The following GRM7 variants were observed in gnomAD, a reference collection of about 807,000 sequenced individuals.
The protein encoded by GRM7 is glutamate metabotropic receptor 7, also known as metabotropic glutamate receptor 7.
Under a neutral mutation model 84.5 loss-of-function variants are expected in GRM7, and 35 were observed. The observed-to-expected ratio is 0.41, with a 90% confidence interval of 0.32 to 0.55. The LOEUF is 0.55. Among genes scored for constraint, GRM7 ranks in the 20% least tolerant of loss-of-function variants. GRM7 has a pLI of 0.19. For missense variants in GRM7, 1,003 were observed against 1,194.6 expected (o/e 0.84, Z 2.36); for synonymous variants, 487 against 455.1 (o/e 1.07, Z -0.89).
rs1436656052 is a variant in GRM7 at position 7,740,394 on chromosome 3, C to A, written c.2736C>A (p.Asn912Lys). The part of the protein sequence containing the change: ...AAKKKYVSYN[N>K]LVI ...AAAAGAAGTATGTCAGTTATAATAACCTGGTTATCTAACCTGTTCCATTCC... is the reference window on the plus strand; with the variant it reads ...AAAAGAAGTATGTCAGTTATAATAAACTGGTTATCTAACCTGTTCCATTCC... The change falls in exon 10 of 10, where the codon AAC becomes AAA. Residue 912 changes from asparagine (N) to lysine (K), a missense_variant. Physicochemically the swap from Asn to Lys is moderately conservative, Grantham distance 94 (BLOSUM62 0). Transcript: ENST00000357716. The A allele has an allele frequency of 1.3e-6, 2 of 1,577,140 alleles. No individual in the cohort carries two copies. The highest frequency in any genetic ancestry group is 1.7e-6 in the Non-Finnish European group (2 of 1,152,556).
intron 4 of GRM7, among the ~76,000 whole-genome samples, chr3:7,413,943 C>A (rs1696052491): frequency 6.6e-6 from 1 of 152,132 alleles, no homozygotes; most frequent in Admixed American, 6.6e-5. Context: ...ATGTGAAACT[C>A]ACTGCCCTAT....
intron 8 of GRM7, among the ~76,000 whole-genome samples, chr3:7,611,602 C>G (rs1489297067): frequency 6.6e-6 from 1 of 152,116 alleles, no homozygotes; most frequent in African/African-American, 2.4e-5. Flanking sequence ...GGTCAAGCTT[C>G]CCAAGAACTG....
chr3:7,422,088 T>G (rs2124829567), intron 5 of GRM7, among the ~76,000 whole-genome samples: 1 of 152,054 alleles, frequency 6.6e-6, no homozygotes, highest in South Asian at 2.1e-4. Flanking sequence ...GAGTGAGACC[T>G]TGCCTCAAAC....
chr3:7,644,242 ATGTG>A (rs1559459884), intron 8 of GRM7, among the ~76,000 whole-genome samples: 2 of 151,414 alleles, frequency 1.3e-5, no homozygotes, highest in African/African-American at 4.9e-5. Flanking sequence ...GTACATATAT[ATGTG>A]TGTGTCTGTA....
At chr3:7,621,188 T>C (rs1697337550) in intron 8 of GRM7, among the ~76,000 whole-genome samples, 1 of 152,134 alleles carries the variant, frequency 6.6e-6, no homozygotes. Context: ...ATCCTTATAA[T>C]GACATTTGTT....
chr3:6,974,776 T>A (rs1374611351), intron 1 of GRM7, among the ~76,000 whole-genome samples: 1 of 151,968 alleles, frequency 6.6e-6, no homozygotes, highest in Admixed American at 6.6e-5. Context: ...AAGGCAGAGG[T>A]GGAAACCTGA....
chr3:7,261,209 T>C (rs1698409363), intron 2 of GRM7, among the ~76,000 whole-genome samples: 1 of 152,166 alleles, frequency 6.6e-6, no homozygotes, highest in Admixed American at 6.5e-5. Flanking sequence ...CATAGTTACC[T>C]AGGGTCTCCT....
chr3:6,954,420 T>G (rs1367296846), intron 1 of GRM7, among the ~76,000 whole-genome samples: 1 of 152,234 alleles, frequency 6.6e-6, no homozygotes, highest in Non-Finnish European at 1.5e-5. Context: ...GCTTTCATTA[T>G]GTGCTAGCTG....
At chr3:7,491,399 A>G (rs1699510724) in intron 7 of GRM7, among the ~76,000 whole-genome samples, 1 of 129,814 alleles carries the variant, frequency 7.7e-6, no homozygotes, top group South Asian at 2.5e-4. Context: ...TATTAAGGAA[A>G]ATGATTTAGA....
chr3:6,927,463 G>GAGAGAGAAAGAAAGAA (rs1553595155), intron 1 of GRM7, among the ~76,000 whole-genome samples: 1 of 93,220 alleles, frequency 1.1e-5, no homozygotes, highest in Non-Finnish European at 2.6e-5. Context: ...GAAAGAGAGA[G>GAGAGAGAAAGAAAGAA]AGAAAGAAAG....
intron 4 of GRM7, among the ~76,000 whole-genome samples, chr3:7,383,442 A>G (rs1694665156): frequency 6.6e-6 from 1 of 152,246 alleles, no homozygotes; most frequent in South Asian, 2.1e-4. Flanking sequence ...CTTGTAGAGC[A>G]GTTTCATGTT....
intron 1 of GRM7, among the ~76,000 whole-genome samples, chr3:6,932,751 CTTTTTTTTTTT>C (rs35962540): frequency 8.5e-5 from 8 of 93,786 alleles, no homozygotes; most frequent in Non-Finnish European, 1.2e-4. Flanking sequence ...TTCTTTCTCT[CTTTTTTTTTTT>C]TTTTTTTTTT....
chr3:7,252,742 G>A (rs1423372868), intron 2 of GRM7, among the ~76,000 whole-genome samples: 1 of 130,140 alleles, frequency 7.7e-6, no homozygotes, highest in Non-Finnish European at 1.6e-5. Flanking sequence ...CAGCTGGAGT[G>A]CAGTGGTGTG....
chr3:7,004,218 A>T (rs921913257), intron 1 of GRM7, among the ~76,000 whole-genome samples: 2 of 152,170 alleles, frequency 1.3e-5, no homozygotes, highest in Admixed American at 6.5e-5. Context: ...ATTAGTATGG[A>T]TAACAGGAGG....
chr3:7,552,517 T>C (rs554393865), intron 7 of GRM7, among the ~76,000 whole-genome samples: 2 of 152,324 alleles, frequency 1.3e-5, no homozygotes, highest in East Asian at 3.9e-4. Flanking sequence ...GCTCCACTCC[T>C]ATAGCAAACT....
At position 7,461,674 on chromosome 3, in the gene GRM7, C is replaced by CCCGGGTTACCTCTT. The variant is rs779439017; in HGVS notation, c.1477_1478insTCTTCCGGGTTACC (p.Arg493LeufsTer7). ...AGTACCAGACCACAAACACCAGCAACCCGGGTTACCGTCTGATCGGGCAGT... is the reference window on the plus strand; with the variant it reads ...AGTACCAGACCACAAACACCAGCAACCCGGGTTACCTCTTCCGGGTTACCGTCTGATCGGGCAGT... On this transcript the variant is annotated frameshift_variant, in exon 7 of 10. Transcript: ENST00000357716. LOFTEE classifies it high-confidence loss of function. 6.2e-7 allele frequency: 1 copy of CCCGGGTTACCTCTT among 1,613,902 alleles called. No homozygotes were observed. The highest frequency in any genetic ancestry group is 1.7e-5 in the Admixed American group (1 of 60,024).
intron 2 of GRM7, among the ~76,000 whole-genome samples, chr3:7,260,032 T>G (rs781534087): frequency 1.1e-4 from 16 of 151,650 alleles, no homozygotes; most frequent in Non-Finnish European, 2.1e-4. Context: ...TATTTGCATT[T>G]CTCCAGTGAT....
At chr3:7,376,535 G>C (rs1256296894) in intron 4 of GRM7, among the ~76,000 whole-genome samples, 1 of 152,198 alleles carries the variant, frequency 6.6e-6, no homozygotes, top group Non-Finnish European at 1.5e-5. Flanking sequence ...TCAACAATCT[G>C]TGGGTTGAGG....
intron 2 of GRM7, among the ~76,000 whole-genome samples, chr3:7,155,366 G>T (rs1389093057): frequency 1.3e-5 from 2 of 152,006 alleles, no homozygotes; most frequent in Non-Finnish European, 2.9e-5. Flanking sequence ...CTTACCAAAG[G>T]CTCCCCACTG....
Sources: gnomAD v4.1 joint callset for allele counts (sites outside exome capture counted in the v4.1 genomes callset) on GRCh38, gnomAD v4.1.1 for gene constraint, MANE v1.5 for transcripts, NCBI Gene and HGNC (gene_info 2026-07-23, HGNC 2026-07-21) for gene names.